Variants in LRBA observed in about 807,000 individuals in gnomAD.
The protein encoded by LRBA is LPS responsive beige-like anchor protein.
A neutral mutation model predicts 330.0 loss-of-function variants in LRBA; 176 were observed. The observed-to-expected ratio is 0.53, with a 90% confidence interval of 0.47 to 0.60. The LOEUF is 0.60. Among genes scored for constraint, LRBA ranks in the 20% least tolerant of loss-of-function variants. The pLI is 0.00. For synonymous variants in LRBA, 1,230 were observed against 1,193.0 expected (o/e 1.03, Z -0.64); for missense variants, 3,259 against 3,444.8 (o/e 0.95, Z 1.35).
chr4:150,281,918 C>A (rs1474081216), intron 55 of LRBA, among the ~76,000 whole-genome samples: 2 of 152,152 alleles, frequency 1.3e-5, no homozygotes, highest in Non-Finnish European at 2.9e-5. Flanking sequence ...GGAGAAAATG[C>A]CTGCCTAATT....
chr4:150,423,697 C>T (rs998871312), intron 46 of LRBA: 4 of 207,498 alleles, frequency 1.9e-5, no homozygotes, highest in South Asian at 8.1e-5. Context: ...GCACGCCCCG[C>T]ACAGCAGCTC....
In LRBA at chr4:150,315,707, A is replaced by G; in HGVS notation, c.7631-84T>C. Reference sequence around the variant, plus strand: ...AAAATGCATAAGTCAAACCTTATGTAGAATTGTTTCCAATCTCTAAATCTT... The same window carrying G: ...AAAATGCATAAGTCAAACCTTATGTGGAATTGTTTCCAATCTCTAAATCTT... On this transcript the variant is annotated intron_variant, in intron 50 of 56. Coordinates refer to ENST00000651943, the MANE Select transcript of LRBA (RefSeq NM_001364905.1). 6.0e-6 allele frequency: 5 copies of G among 832,730 alleles called. No homozygotes were observed. In the South Asian group the frequency reaches 7.6e-5, roughly 13 times the overall value. The allele number at this position is 832,730 out of a possible 1,614,324, so 51.6% of individuals were successfully genotyped here.
chr4:150,413,372 A>G (rs538571558), intron 47 of LRBA, among the ~76,000 whole-genome samples: 1 of 152,232 alleles, frequency 6.6e-6, no homozygotes, highest in Admixed American at 6.5e-5. Context: ...AATAGCCCAA[A>G]CTAGAAAAAA....
At chr4:150,815,569 AAATTATAAAATAAAAAGC>A (rs1456276463) in intron 31 of LRBA, among the ~76,000 whole-genome samples, 1 of 151,932 alleles carries the variant, frequency 6.6e-6, no homozygotes, top group Non-Finnish European at 1.5e-5. Flanking sequence ...TTTTTGGAAA[AAATTATAAAATAAAAAGC>A]AAGGCAGACA....
chr4:150,482,011 TTTG>T (rs1581439423), intron 42 of LRBA, among the ~76,000 whole-genome samples: 1 of 152,130 alleles, frequency 6.6e-6, no homozygotes, highest in Admixed American at 6.6e-5. Flanking sequence ...TTACACATTC[TTTG>T]TTGTTGTTTT....
chr4:150,518,228 A>C (rs1762565818), intron 40 of LRBA, among the ~76,000 whole-genome samples: 1 of 152,220 alleles, frequency 6.6e-6, no homozygotes, highest in Non-Finnish European at 1.5e-5. Flanking sequence ...ACATTAGTGG[A>C]TCTGATAACC....
intron 2 of LRBA, among the ~76,000 whole-genome samples, chr4:150,964,631 CG>C (rs1480588323): frequency 6.6e-6 from 1 of 151,440 alleles, no homozygotes; most frequent in Admixed American, 6.6e-5. Flanking sequence ...GCAGCATACT[CG>C]TTAAGAGTCA....
chr4:150,864,582 A>G (rs908502851), intron 22 of LRBA, among the ~76,000 whole-genome samples: 2 of 151,380 alleles, frequency 1.3e-5, no homozygotes, highest in Non-Finnish European at 2.9e-5. Flanking sequence ...ACCCTCATAC[A>G]GCTATGCAGT....
chr4:150,385,423 AATTTACTATTGTTTT>A (rs1742918226), intron 47 of LRBA, among the ~76,000 whole-genome samples: 1 of 152,220 alleles, frequency 6.6e-6, no homozygotes, highest in Admixed American at 6.5e-5. Flanking sequence ...TTAATTTTAA[AATTTACTATTGTTTT>A]ATTTTCTATT....
chr4:150,935,332 A>G (rs907281031), intron 2 of LRBA, among the ~76,000 whole-genome samples: 45 of 152,298 alleles, frequency 3.0e-4, no homozygotes, highest in Admixed American at 1.6e-3. Flanking sequence ...TATAACATTC[A>G]TAAGTTTTCC....
chr4:150,826,578 T>A (rs1746316999), intron 30 of LRBA, among the ~76,000 whole-genome samples: 1 of 152,202 alleles, frequency 6.6e-6, no homozygotes, highest in African/African-American at 2.4e-5. Flanking sequence ...GTTCTATTGA[T>A]ACTTTGTCCC....
Position 150,922,333 on chromosome 4 carries a change from T to C in LRBA, c.550-1040A>G, listed in dbSNP as rs1019646354. Reference sequence around the variant, plus strand: ...ATGTTTATAGCAGCACAATTCACAATTGCAAAATCATGGAACCTACCCAAA... The same window carrying C: ...ATGTTTATAGCAGCACAATTCACAACTGCAAAATCATGGAACCTACCCAAA... On this transcript the variant is annotated intron_variant, in intron 4 of 56. Transcript: ENST00000651943. Among the ~76,000 whole-genome samples, 8 of 150,382 alleles carry C rather than the reference T, an allele frequency of 5.3e-5. No homozygotes were observed. The East Asian group carries it at 7.8e-4, about 15-fold the overall frequency.
At chr4:150,832,794 G>C (rs765603236) in intron 28 of LRBA, among the ~76,000 whole-genome samples, 1 of 151,840 alleles carries the variant, frequency 6.6e-6, no homozygotes, top group Non-Finnish European at 1.5e-5. Flanking sequence ...TTTTGAGACA[G>C]GGCCCCACTC....
intron 40 of LRBA, among the ~76,000 whole-genome samples, chr4:150,500,834 T>C (rs934472947): frequency 1.3e-5 from 2 of 152,164 alleles, no homozygotes; most frequent in Non-Finnish European, 2.9e-5. Context: ...AAGGAAAAAT[T>C]AGGAACATAG....
intron 34 of LRBA, among the ~76,000 whole-genome samples, chr4:150,767,754 T>G (rs1204834926): frequency 4.8e-5 from 2 of 41,450 alleles, no homozygotes; most frequent in Non-Finnish European, 1.2e-4. Flanking sequence ...CGAGACTTGT[T>G]GCAAAAAAAA....
chr4:150,264,878 C>T lies in LRBA; in HGVS notation c.*844G>A, dbSNP rs1242844499. The stretch of plus-strand genomic sequence containing the variant: ...TGCTGAATACAGCACCCGGTAGCCT[C>T]TATTTGCAAACCCGGGGAGGGAAGG... On this transcript the variant is annotated 3_prime_UTR_variant, in exon 57 of 57. Transcript: ENST00000651943. 1 of 147,686 alleles carries T rather than the reference C, an allele frequency of 6.8e-6. No homozygotes were observed. The highest frequency in any genetic ancestry group is 2.5e-5 in the African/African-American group (1 of 39,872). 9.1% of individuals were successfully genotyped at this position (147,686 alleles called of 1,614,324 possible). A position where few individuals can be genotyped will look rare whatever the true frequency, so the allele number is the denominator to read the frequency against.
intron 37 of LRBA, among the ~76,000 whole-genome samples, chr4:150,640,611 G>A (rs915629162): frequency 2.0e-5 from 3 of 152,084 alleles, no homozygotes; most frequent in African/African-American, 7.2e-5. Context: ...AAGAACTATA[G>A]CATTACATTA....
At chr4:150,582,970 G>A (rs1183188604) in intron 40 of LRBA, 20 of 1,524,308 alleles carry the variant, frequency 1.3e-5, no homozygotes, top group Non-Finnish European at 1.6e-5. Context: ...CAGTGCGTGA[G>A]CCTTGGATCC....
Position 150,918,674 on chromosome 4 carries a change from G to A in LRBA, c.646-1936C>T, listed in dbSNP as rs190110417. ...CTGAGACACAAGAATCGCTTGAACC[G>A]GGAGGCAGAGGTTGCAGGGAGCCAA... On this transcript the variant is annotated intron_variant, in intron 5 of 56. Coordinates refer to ENST00000651943, the MANE Select transcript of LRBA (RefSeq NM_001364905.1). Among the ~76,000 whole-genome samples the A allele has an allele frequency of 7.9e-5, 12 of 152,206 alleles. No homozygotes were observed. The East Asian group carries it at 1.5e-3, about 20-fold the overall frequency.
Sources: allele counts gnomAD v4.1 joint callset (sites outside exome capture counted in the v4.1 genomes callset), GRCh38; gene constraint gnomAD v4.1.1; transcripts MANE v1.5; gene names NCBI Gene and HGNC (gene_info 2026-07-23, HGNC 2026-07-21).